MDFIC: variants seen among roughly 807,000 people sequenced by gnomAD.
MDFIC encodes MyoD family inhibitor domain containing.
MDFIC carries 17 observed loss-of-function variants against 23.2 expected under a neutral mutation model. The ratio of observed to expected loss-of-function variants is 0.73; its 90% confidence interval spans 0.50 to 1.10. The LOEUF is 1.10. Among genes scored for constraint, MDFIC ranks in the 50% least tolerant of loss-of-function variants. MDFIC has a pLI of 0.00. For missense variants in MDFIC, 356 were observed against 316.6 expected (o/e 1.12, Z -0.95); for synonymous variants, 120 against 115.2 (o/e 1.04, Z -0.27).
chr7:114,959,824 CTAATAATAA>C (rs56917725), intron 3 of MDFIC, among the ~76,000 whole-genome samples: 8 of 145,594 alleles, frequency 5.5e-5, no homozygotes, highest in South Asian at 4.5e-4. Context: ...TCTAAATAGA[CTAATAATAA>C]TAATAATAAT....
At chr7:115,003,247 G>A (rs1473442891) in intron 4 of MDFIC, among the ~76,000 whole-genome samples, 1 of 151,880 alleles carries the variant, frequency 6.6e-6, no homozygotes, top group African/African-American at 2.4e-5. Context: ...TTCTTCCTGG[G>A]TGGTTGAATA....
intron 3 of MDFIC, among the ~76,000 whole-genome samples, chr7:114,945,237 G>A (rs1194634573): frequency 6.6e-6 from 1 of 152,216 alleles, no homozygotes; most frequent in East Asian, 1.9e-4. Context: ...TCAGTGTAAT[G>A]AGGCTGTTTT....
At chr7:114,978,776 A>G (rs890729536) in intron 3 of MDFIC, among the ~76,000 whole-genome samples, 1 of 152,092 alleles carries the variant, frequency 6.6e-6, no homozygotes, top group Non-Finnish European at 1.5e-5. Context: ...CAGACCTATT[A>G]AATTTCTTTG....
At chr7:115,000,895 A>C (rs1382494639) in intron 4 of MDFIC, among the ~76,000 whole-genome samples, 3 of 152,206 alleles carry the variant, frequency 2.0e-5, no homozygotes, top group Admixed American at 2.0e-4. Flanking sequence ...CTTCGAAGTC[A>C]ACAACCTGGT....
chr7:114,923,165 T>G, intron 2 of MDFIC, 38 bp downstream of exon 2: 1 of 1,525,946 alleles, frequency 6.6e-7, no homozygotes, highest in Non-Finnish European at 8.8e-7. Flanking sequence ...TTCTTTGTCA[T>G]TGTTGCATTT....
intron 3 of MDFIC, among the ~76,000 whole-genome samples, chr7:114,958,287 T>C (rs1294572812): frequency 6.6e-6 from 1 of 152,214 alleles, no homozygotes; most frequent in Non-Finnish European, 1.5e-5. Flanking sequence ...GGATACCACA[T>C]ACACAGTCCA....
At chr7:114,935,114 T>A (rs937680376) in intron 2 of MDFIC, among the ~76,000 whole-genome samples, 6 of 152,146 alleles carry the variant, frequency 3.9e-5, no homozygotes, top group Non-Finnish European at 7.4e-5. Flanking sequence ...GATTTTAGTC[T>A]CAGATTACTT....
Position 114,993,287 on chromosome 7 carries a change from CT to C in MDFIC, c.493+13510del, listed in dbSNP as rs555440458. ...GTAGCGGTCTATCAATTTTGTTGAT[CT>C]TTTCAAAAAACCAGCTCCTGGATTC... On this transcript the variant is annotated intron_variant, in intron 4 of 4. Coordinates refer to ENST00000393486, the MANE Select transcript of MDFIC (RefSeq NM_001166345.3). Among the ~76,000 whole-genome samples the C allele has an allele frequency of 2.1e-3, 325 of 152,156 alleles. 2 individuals carry two copies. Among genetic ancestry groups the C allele is most frequent in the Non-Finnish European group, 3.5e-3 (240 of 67,994 alleles).
intron 3 of MDFIC, among the ~76,000 whole-genome samples, chr7:114,963,880 T>G (rs1488312796): frequency 6.6e-6 from 1 of 152,274 alleles, no homozygotes; most frequent in Middle Eastern, 3.4e-3. Context: ...GTGCTGGGCT[T>G]TGTTTACTTA....
At chr7:114,957,110 A>G (rs1344153400) in intron 3 of MDFIC, among the ~76,000 whole-genome samples, 2 of 152,206 alleles carry the variant, frequency 1.3e-5, no homozygotes, top group Non-Finnish European at 2.9e-5. Flanking sequence ...TATAATTTGC[A>G]CAGGTAGTCT....
intron 3 of MDFIC, among the ~76,000 whole-genome samples, chr7:114,972,046 G>T (rs1793215288): frequency 6.6e-6 from 1 of 152,130 alleles, no homozygotes; most frequent in African/African-American, 2.4e-5. Context: ...AAAAACAAGG[G>T]TTAGAGGCTG....
intron 2 of MDFIC, 95 bp from the exon 3 acceptor site, chr7:114,942,179 TG>T: frequency 1.3e-6 from 1 of 742,556 alleles, no homozygotes. Context: ...CCTTAAATTA[TG>T]GCAGACTTGG....
chr7:114,997,246 A>C lies in MDFIC; in HGVS notation c.493+17465A>C, dbSNP rs373910022. On this transcript the variant is annotated intron_variant, in intron 4 of 4. Transcript: ENST00000393486. ...GTAAAAATGTTAGGATATAAAGGCG[A>C]ATGTTTTTAGAATGGGGTACATGGT... Among the ~76,000 whole-genome samples the C allele has an allele frequency of 2.0e-5, 3 of 152,316 alleles. No individual in the cohort carries two copies. The East Asian group carries it at 5.8e-4, about 29-fold the overall frequency.
At chr7:114,922,744 G>A (rs745988385) in intron 1 of MDFIC, 108 bp downstream of exon 1, 241 of 1,314,736 alleles carry the variant, frequency 1.8e-4, no homozygotes, top group Non-Finnish European at 2.3e-4. Flanking sequence ...GTCCACCTCG[G>A]ACCCCTGGGA....
At chr7:115,004,141 C>T (rs1791520438) in intron 4 of MDFIC, among the ~76,000 whole-genome samples, 1 of 152,164 alleles carries the variant, frequency 6.6e-6, no homozygotes, top group African/African-American at 2.4e-5. Flanking sequence ...TCCCAGACCT[C>T]CCCTTAGTAG....
intron 4 of MDFIC, among the ~76,000 whole-genome samples, chr7:114,981,164 T>C (rs1793411099): frequency 6.6e-6 from 1 of 152,220 alleles, no homozygotes; most frequent in Non-Finnish European, 1.5e-5. Context: ...GTGAAATAAT[T>C]GAATGCAATT....
In MDFIC at chr7:114,933,073, G is replaced by A. The variant is rs557948552; in HGVS notation, c.95-9202G>A. On this transcript the variant is annotated intron_variant, in intron 2 of 4. Transcript: ENST00000393486. ...ATTCTTGTAATAGTGCCAAGTAAGG[G>A]TTCTTTGCTTAACTAGAGAGCTTGA... is the stretch of plus-strand genomic sequence containing the variant. Among the ~76,000 whole-genome samples, 4 of 152,198 alleles carry A rather than the reference G, an allele frequency of 2.6e-5. No individual in the cohort carries two copies. The East Asian group carries it at 7.7e-4, about 29-fold the overall frequency.
intron 2 of MDFIC, among the ~76,000 whole-genome samples, chr7:114,937,581 C>T (rs376226357): frequency 6.6e-6 from 1 of 152,214 alleles, no homozygotes; most frequent in Non-Finnish European, 1.5e-5. Context: ...AGGATGAAGA[C>T]AATGAGTCCC....
chr7:114,999,786 A>G (rs1791423219), intron 4 of MDFIC, among the ~76,000 whole-genome samples: 1 of 151,936 alleles, frequency 6.6e-6, no homozygotes, highest in South Asian at 2.1e-4. Context: ...GGTCCAATGT[A>G]AGTCTGAGAA....
Sources: allele counts gnomAD v4.1 joint callset (sites outside exome capture counted in the v4.1 genomes callset), GRCh38; gene constraint gnomAD v4.1.1; transcripts MANE v1.5; gene names NCBI Gene and HGNC (gene_info 2026-07-23, HGNC 2026-07-21).